The following RALGAPA2 variants were observed in gnomAD, a reference collection of about 807,000 sequenced individuals.
RALGAPA2 encodes Ral GTPase activating protein catalytic subunit alpha 2, also known as ral GTPase-activating protein subunit alpha-2.
Under a neutral mutation model 230.4 loss-of-function variants are expected in RALGAPA2, and 139 were observed. The ratio of observed to expected loss-of-function variants is 0.60; its 90% CI spans 0.53 to 0.69. The LOEUF (loss-of-function observed/expected upper bound fraction) is 0.69. Ranked by LOEUF, RALGAPA2 falls within the 30% of genes least tolerant of loss-of-function variation. The pLI is 0.00. For missense variants in RALGAPA2, 2,163 were observed against 2,276.0 expected (o/e 0.95, Z 1.01); for synonymous variants, 847 against 837.8 (o/e 1.01, Z -0.19).
At chr20:20,436,328 T>C (rs1602361796) in intron 37 of RALGAPA2, among the ~76,000 whole-genome samples, 1 of 152,250 alleles carries the variant, frequency 6.6e-6, no homozygotes, top group Non-Finnish European at 1.5e-5. Context: ...TCTACACATG[T>C]GCTTTGCATG....
At position 20,476,681 on chromosome 20, in the gene RALGAPA2, A is replaced by ATAAATAAC. The variant is rs1556115736; in HGVS notation, c.5368-3726_5368-3725insGTTATTTA. Among the ~76,000 whole-genome samples, 12 of 130,364 alleles carry ATAAATAAC rather than the reference A, an allele frequency of 9.2e-5. No homozygotes were observed. The Admixed American group carries it at 9.2e-4, about 10-fold the overall frequency. 85.5% of individuals were successfully genotyped at this position (130,364 alleles called of 152,430 possible). ...ACAAAAGGCATAAATCATAAAATAA[A>ATAAATAAC]TAAATAAATAAATAAATAAATAAAT... On this transcript the variant is annotated intron_variant, in intron 36 of 39. Coordinates refer to ENST00000202677, the MANE Select transcript of RALGAPA2 (RefSeq NM_020343.4).
At chr20:20,687,939 G>A (rs1031530279) in intron 1 of RALGAPA2, among the ~76,000 whole-genome samples, 5 of 152,150 alleles carry the variant, frequency 3.3e-5, no homozygotes, top group African/African-American at 1.2e-4. Flanking sequence ...GTGAAGGCAG[G>A]AATTCCTTTT....
chr20:20,550,763 A>G (rs2063900737), intron 23 of RALGAPA2, among the ~76,000 whole-genome samples: 1 of 152,226 alleles, frequency 6.6e-6, no homozygotes, highest in Non-Finnish European at 1.5e-5. Flanking sequence ...AGCTGTATGT[A>G]ATGGGATAGG....
chr20:20,567,561 A>C (rs1420512441), intron 23 of RALGAPA2, among the ~76,000 whole-genome samples: 1 of 152,234 alleles, frequency 6.6e-6, no homozygotes. Context: ...TTGGACCAAT[A>C]CGCTTGCTGT....
intron 37 of RALGAPA2, 57 bp downstream of exon 37, chr20:20,472,772 C>G: frequency 6.5e-7 from 1 of 1,550,194 alleles, no homozygotes; most frequent in Non-Finnish European, 8.7e-7. Flanking sequence ...TGAAAAACTG[C>G]CAGGAATCTT....
intron 16 of RALGAPA2, among the ~76,000 whole-genome samples, chr20:20,599,951 C>CT (rs1269317972): frequency 2.7e-5 from 4 of 149,548 alleles, no homozygotes; most frequent in East Asian, 1.9e-4. Flanking sequence ...TCAGCCTGGG[C>CT]TTTTTTTTAA....
At chr20:20,476,686 T>TA (rs1332075196) in intron 36 of RALGAPA2, among the ~76,000 whole-genome samples, 4 of 143,946 alleles carry the variant, frequency 2.8e-5, no homozygotes, top group Non-Finnish European at 3.0e-5. Context: ...AATAAATAAA[T>TA]AAATAAATAA....
chr20:20,433,857 T>G (rs993158108), intron 37 of RALGAPA2, among the ~76,000 whole-genome samples: 2 of 152,222 alleles, frequency 1.3e-5, no homozygotes, highest in African/African-American at 4.8e-5. Flanking sequence ...TATACATCAG[T>G]GAAATTCCGA....
chr20:20,691,143 C>T (rs1042248329), intron 1 of RALGAPA2, among the ~76,000 whole-genome samples: 4 of 152,250 alleles, frequency 2.6e-5, no homozygotes, highest in South Asian at 2.1e-4. Context: ...TCTCGTCACC[C>T]GCTATTTCTT....
At chr20:20,463,453 T>C (rs2061347582) in intron 37 of RALGAPA2, among the ~76,000 whole-genome samples, 1 of 152,200 alleles carries the variant, frequency 6.6e-6, no homozygotes, top group Admixed American at 6.5e-5. Context: ...GATATAAGTA[T>C]CAAAGCCTAT....
chr20:20,645,467 T>C (rs571822519), intron 4 of RALGAPA2, among the ~76,000 whole-genome samples: 1 of 152,042 alleles, frequency 6.6e-6, no homozygotes, highest in Admixed American at 6.5e-5. Context: ...ATAACCACTG[T>C]TCTCTACACA....
rs148796731 is a variant in RALGAPA2 at position 20,605,093 on chromosome 20, G to A, written c.2038+82C>T. The stretch of plus-strand genomic sequence containing the variant: ...TTGGTTCAGTTCATTATAAAATTTC[G>A]CGCATTAATTGCTTAGTCATACAAA... On this transcript the variant is annotated intron_variant, in intron 15 of 39. Transcript: ENST00000202677. 744 of 1,158,174 alleles carry A rather than the reference G, an allele frequency of 6.4e-4. 2 individuals carry two copies. The African/African-American group carries it at 8.6e-3, about 13-fold the overall frequency. 71.7% of individuals were successfully genotyped at this position (1,158,174 alleles called of 1,614,324 possible).
At chr20:20,421,668 C>T (rs1010759098) in intron 37 of RALGAPA2, among the ~76,000 whole-genome samples, 37 of 152,006 alleles carry the variant, frequency 2.4e-4, no homozygotes, top group African/African-American at 8.7e-4. Flanking sequence ...GAAACTCTGT[C>T]TCAAAAATAA....
intron 31 of RALGAPA2, 78 bp from the exon 32 acceptor site, chr20:20,513,362 G>A: frequency 8.4e-7 from 1 of 1,195,310 alleles, no homozygotes; most frequent in South Asian, 3.1e-5. Context: ...TTTGGGTGGG[G>A]GGCAGGGGGC....
intron 37 of RALGAPA2, among the ~76,000 whole-genome samples, chr20:20,454,065 A>AG (rs1386665483): frequency 6.6e-6 from 1 of 152,216 alleles, no homozygotes; most frequent in Non-Finnish European, 1.5e-5. Flanking sequence ...TGGTTCTTGG[A>AG]GAAAAACTTG....
At chr20:20,683,164 T>C (rs1450974347) in intron 1 of RALGAPA2, among the ~76,000 whole-genome samples, 1 of 152,214 alleles carries the variant, frequency 6.6e-6, no homozygotes, top group Non-Finnish European at 1.5e-5. Context: ...AGCCTGCCTT[T>C]AACACGTACG....
At chr20:20,443,060 G>T (rs138724664) in intron 37 of RALGAPA2, among the ~76,000 whole-genome samples, 36 of 152,296 alleles carry the variant, frequency 2.4e-4, no homozygotes, top group Admixed American at 2.2e-3. Context: ...TACAATAGCT[G>T]CATTTAAAGC....
chr20:20,578,229 C>T (rs146295534), intron 20 of RALGAPA2, among the ~76,000 whole-genome samples: 93 of 152,152 alleles, frequency 6.1e-4, no homozygotes, highest in African/African-American at 2.0e-3. Context: ...CTGCTGGTGG[C>T]GTAAGTGACA....
chr20:20,593,893 C>T (rs1020778954), intron 16 of RALGAPA2, among the ~76,000 whole-genome samples: 2 of 152,220 alleles, frequency 1.3e-5, no homozygotes, highest in South Asian at 2.1e-4. Context: ...GAGCCTGCCA[C>T]CACCAGCTGG....
Sources: allele counts gnomAD v4.1 joint callset (sites outside exome capture counted in the v4.1 genomes callset), GRCh38; gene constraint gnomAD v4.1.1; transcripts MANE v1.5; gene names NCBI Gene and HGNC (gene_info 2026-07-23, HGNC 2026-07-21).